CDKAL1: variants seen among roughly 807,000 people sequenced by gnomAD.
CDKAL1 encodes the protein threonylcarbamoyladenosine tRNA methylthiotransferase.
In CDKAL1, 32 loss-of-function variants were observed where a neutral mutation model predicts 68.2. The observed-to-expected ratio is 0.47, with a 90% CI of 0.35 to 0.63. The LOEUF (loss-of-function observed/expected upper bound fraction) is 0.63, where lower values mean the gene tolerates loss of function less well. Ranked by LOEUF, CDKAL1 falls within the 30% of genes least tolerant of loss-of-function variation. CDKAL1 has a pLI of 0.00. For missense variants in CDKAL1, 606 were observed against 696.7 expected (o/e 0.87, Z 1.47); for synonymous variants, 234 against 244.3 (o/e 0.96, Z 0.39).
intron 13 of CDKAL1, among the ~76,000 whole-genome samples, chr6:21,179,911 C>T (rs542084542): frequency 6.6e-6 from 1 of 152,130 alleles, no homozygotes; most frequent in South Asian, 2.1e-4. Flanking sequence ...GTCCCAGGTA[C>T]TTGTGAGGCT....
chr6:21,022,631 C>A (rs1269859805), intron 11 of CDKAL1, among the ~76,000 whole-genome samples: 1 of 152,168 alleles, frequency 6.6e-6, no homozygotes, highest in African/African-American at 2.4e-5. Flanking sequence ...GATGGCCCTT[C>A]TGGTCACGGT....
intron 5 of CDKAL1, among the ~76,000 whole-genome samples, chr6:20,729,749 G>C (rs1772822211): frequency 6.6e-6 from 1 of 152,214 alleles, no homozygotes; most frequent in African/African-American, 2.4e-5. Context: ...AACCCAGGCA[G>C]CCTGGCTTAA....
intron 5 of CDKAL1, among the ~76,000 whole-genome samples, chr6:20,726,249 C>T (rs1562057041): frequency 6.6e-6 from 1 of 152,054 alleles, no homozygotes; most frequent in Non-Finnish European, 1.5e-5. Context: ...CTCTTTTGAC[C>T]AATTGCCAAT....
chr6:20,557,045 AAAAAAAAATAAATAAAT>A (rs762256747), intron 4 of CDKAL1, among the ~76,000 whole-genome samples: 3,011 of 113,334 alleles, frequency 0.027, 83 homozygotes, highest in Admixed American at 0.035. Flanking sequence ...CCATCTCAAA[AAAAAAAAATAAATAAAT>A]AAATAAATAA....
At chr6:20,778,612 G>A (rs1581562191) in intron 7 of CDKAL1, among the ~76,000 whole-genome samples, 1 of 152,326 alleles carries the variant, frequency 6.6e-6, no homozygotes, top group South Asian at 2.1e-4. Context: ...GAGAGCTGAT[G>A]TGTATGTAGT....
intron 7 of CDKAL1, among the ~76,000 whole-genome samples, chr6:20,777,330 A>G (rs1775213268): frequency 6.6e-6 from 1 of 152,194 alleles, no homozygotes; most frequent in South Asian, 2.1e-4. Context: ...AAAACAACAT[A>G]GGCCAGGTGC....
intron 4 of CDKAL1, among the ~76,000 whole-genome samples, chr6:20,590,936 TCCTCCACAA>T (rs1765565546): frequency 6.6e-6 from 1 of 152,168 alleles, no homozygotes; most frequent in South Asian, 2.1e-4. Context: ...TGCCACACTG[TCCTCCACAA>T]TGGTTGAACT....
chr6:20,658,863 G>A (rs935875482), intron 5 of CDKAL1, among the ~76,000 whole-genome samples: 8 of 151,978 alleles, frequency 5.3e-5, no homozygotes, highest in Admixed American at 1.3e-4. Flanking sequence ...TGCTCAGGCC[G>A]GAGTGCAGTA....
chr6:21,051,728 A>T (rs1448434183), intron 11 of CDKAL1, among the ~76,000 whole-genome samples: 2 of 152,220 alleles, frequency 1.3e-5, no homozygotes, highest in Non-Finnish European at 2.9e-5. Flanking sequence ...GACAGTTGTT[A>T]TCATCTCTCT....
intron 5 of CDKAL1, among the ~76,000 whole-genome samples, chr6:20,721,921 TG>T (rs534258691): frequency 1.0e-3 from 155 of 151,960 alleles, no homozygotes; most frequent in Middle Eastern, 3.4e-3. Flanking sequence ...TTAGTAGAGA[TG>T]GGATTTCACT....
intron 12 of CDKAL1, among the ~76,000 whole-genome samples, chr6:21,068,010 A>G (rs1317197798): frequency 6.6e-6 from 1 of 152,104 alleles, no homozygotes; most frequent in Non-Finnish European, 1.5e-5. Context: ...TTCTTCATGA[A>G]TTACCTGTTC....
intron 8 of CDKAL1, among the ~76,000 whole-genome samples, chr6:20,786,650 A>T (rs1775688490): frequency 6.6e-6 from 1 of 151,888 alleles, no homozygotes; most frequent in African/African-American, 2.4e-5. Context: ...GGCGCCCGCC[A>T]CCATGCCTGG....
intron 13 of CDKAL1, among the ~76,000 whole-genome samples, chr6:21,109,520 C>T (rs1462167895): frequency 6.6e-6 from 1 of 152,136 alleles, no homozygotes; most frequent in Non-Finnish European, 1.5e-5. Context: ...ACCAAAAACT[C>T]GTAAAAGAGA....
chr6:20,815,676 A>G (rs183782862), intron 8 of CDKAL1, among the ~76,000 whole-genome samples: 12 of 152,262 alleles, frequency 7.9e-5, no homozygotes, highest in Admixed American at 7.9e-4. Context: ...AAACATGTTC[A>G]TTAAAAAAAG....
At chr6:20,828,904 T>C (rs1382906158) in intron 8 of CDKAL1, among the ~76,000 whole-genome samples, 1 of 152,150 alleles carries the variant, frequency 6.6e-6, no homozygotes, top group Non-Finnish European at 1.5e-5. Context: ...TGAACTTGAC[T>C]ACCCTAGGTA....
chr6:20,662,513 A>T (rs1769334970), intron 5 of CDKAL1, among the ~76,000 whole-genome samples: 1 of 152,116 alleles, frequency 6.6e-6, no homozygotes. Context: ...TGATGAAAGG[A>T]TGGCACTTTT....
chr6:20,703,328 A>G (rs897521440), intron 5 of CDKAL1, among the ~76,000 whole-genome samples: 2 of 152,210 alleles, frequency 1.3e-5, no homozygotes, highest in African/African-American at 2.4e-5. Context: ...ATATTAGTGT[A>G]GAGTTGAGTA....
At chr6:20,985,184 G>A (rs1217770318) in intron 10 of CDKAL1, among the ~76,000 whole-genome samples, 1 of 152,146 alleles carries the variant, frequency 6.6e-6, no homozygotes, top group African/African-American at 2.4e-5. Flanking sequence ...ATCAAACAGG[G>A]TATTTAGCTT....
At chr6:21,197,063 C>T (rs1168688733) in intron 13 of CDKAL1, among the ~76,000 whole-genome samples, 2 of 151,736 alleles carry the variant, frequency 1.3e-5, no homozygotes, top group Non-Finnish European at 2.9e-5. Flanking sequence ...GAGGCTGAGG[C>T]AGAAGAATCG....
Sources: gnomAD v4.1 joint callset for allele counts (sites outside exome capture counted in the v4.1 genomes callset) on GRCh38, gnomAD v4.1.1 for gene constraint, MANE v1.5 for transcripts, NCBI Gene and HGNC (gene_info 2026-07-23, HGNC 2026-07-21) for gene names.